Variants in BCL2L11 observed in about 807,000 individuals in gnomAD.
The protein encoded by BCL2L11 is bcl-2-like protein 11.
A neutral mutation model predicts 20.6 loss-of-function variants in BCL2L11; 15 were observed. That is an observed-to-expected ratio of 0.73 (90% CI 0.49 to 1.12). The LOEUF is 1.12. Among genes scored for constraint, BCL2L11 ranks in the 50% most tolerant of loss-of-function variants. The pLI is 0.00. For missense variants in BCL2L11, 292 were observed against 260.9 expected (o/e 1.12, Z -0.82); for synonymous variants, 108 against 92.8 (o/e 1.16, Z -0.94).
At position 111,141,541 on chromosome 2, in the gene BCL2L11, C is replaced by T. The variant is rs552025823; in HGVS notation, c.395-8503C>T. On this transcript the variant is annotated intron_variant, in intron 2 of 3. Coordinates refer to ENST00000393256, the MANE Select transcript of BCL2L11 (RefSeq NM_138621.5). Reference sequence around the variant, plus strand: ...GGGTGGGGGGAGGGGGGAGGGAGAGCATTGGGAGATATACCTAATGCTAGA... The same window carrying T: ...GGGTGGGGGGAGGGGGGAGGGAGAGTATTGGGAGATATACCTAATGCTAGA... Among the ~76,000 whole-genome samples, 7 of 147,748 alleles carry T rather than the reference C, an allele frequency of 4.7e-5. No homozygotes were observed. The South Asian group carries it at 1.6e-3, about 33-fold the overall frequency.
At chr2:111,124,899 A>G (rs1314954921) in intron 2 of BCL2L11, among the ~76,000 whole-genome samples, 1 of 152,230 alleles carries the variant, frequency 6.6e-6, no homozygotes, top group African/African-American at 2.4e-5. Context: ...CTTTGTGCTT[A>G]TTGCTCAGAG....
intron 3 of BCL2L11, among the ~76,000 whole-genome samples, chr2:111,158,024 T>C (rs1304122310): frequency 6.6e-6 from 1 of 152,224 alleles, no homozygotes; most frequent in Non-Finnish European, 1.5e-5. Context: ...AAAGTGGATT[T>C]GGTGTTGGGC....
rs1053657632 is a variant in BCL2L11, at chr2:111,121,130, T to C, written c.-72T>C. On this transcript the variant is annotated 5_prime_UTR_variant, in exon 1 of 4. Transcript: ENST00000393256. ...TCCCGCCGCCACCGCCTCGGCGCCCTTTCTTGGCCCTTGTTCCCCCAAATG... is the reference window on the plus strand; with the variant it reads ...TCCCGCCGCCACCGCCTCGGCGCCCCTTCTTGGCCCTTGTTCCCCCAAATG... 2 of 272,322 alleles carry C rather than the reference T, an allele frequency of 7.3e-6. No individual in the cohort carries two copies. The highest frequency in any genetic ancestry group is 1.4e-5 in the Non-Finnish European group (2 of 145,018). 16.9% of individuals were successfully genotyped at this position (272,322 alleles called of 1,614,324 possible).
At position 111,137,468 on chromosome 2, in the gene BCL2L11, G is replaced by T. The variant is rs542953599; in HGVS notation, c.395-12576G>T. Among the ~76,000 whole-genome samples the T allele has an allele frequency of 2.5e-4, 38 of 152,246 alleles. No individual in the cohort carries two copies. The South Asian group carries it at 6.8e-3, about 27-fold the overall frequency. On this transcript the variant is annotated intron_variant, in intron 2 of 3. Coordinates refer to ENST00000393256, the MANE Select transcript of BCL2L11 (RefSeq NM_138621.5). The stretch of plus-strand genomic sequence containing the variant: ...TGCTCGGTCAATGGCTGAGACTTGT[G>T]CTGGGGCATCTGACCTCAGACTGCT...
intron 3 of BCL2L11, among the ~76,000 whole-genome samples, chr2:111,159,893 G>A (rs948779349): frequency 1.3e-5 from 2 of 152,190 alleles, no homozygotes; most frequent in Non-Finnish European, 2.9e-5. Flanking sequence ...ATTCCCTGTT[G>A]AATGCTCGAC....
intron 2 of BCL2L11, among the ~76,000 whole-genome samples, chr2:111,129,741 C>T (rs193055496): frequency 2.0e-5 from 3 of 152,352 alleles, no homozygotes; most frequent in Admixed American, 6.5e-5. Flanking sequence ...ACAAGGATTT[C>T]TCATGGTACC....
intron 1 of BCL2L11, among the ~76,000 whole-genome samples, chr2:111,122,154 G>A (rs2071161632): frequency 6.6e-6 from 1 of 152,214 alleles, no homozygotes; most frequent in South Asian, 2.1e-4. Context: ...GAGAGAGGAA[G>A]TTGTTGGAGG....
intron 2 of BCL2L11, among the ~76,000 whole-genome samples, chr2:111,126,654 A>T (rs1276589928): frequency 6.6e-6 from 1 of 152,156 alleles, no homozygotes; most frequent in African/African-American, 2.4e-5. Context: ...ATGCCTGAAG[A>T]CCACTGAAAT....
In BCL2L11 at chr2:111,151,953, C is replaced by A. The variant is rs992495173; in HGVS notation, c.498+1806C>A. ...TTGTCACTGAAGTAACCATTCCCTC[C>A]AGTTCCTCTGCCTTGGTTTACCTAA... On this transcript the variant is annotated intron_variant, in intron 3 of 3. Transcript: ENST00000393256. 5 of 1,380,780 alleles carry A rather than the reference C, an allele frequency of 3.6e-6. No homozygotes were observed. The African/African-American group carries it at 5.8e-5, about 16-fold the overall frequency. 85.5% of individuals were successfully genotyped at this position (1,380,780 alleles called of 1,614,324 possible). A position where few individuals can be genotyped will look rare whatever the true frequency, so the allele number is the denominator to read the frequency against.
chr2:111,162,628 G>C (rs1002652479), intron 3 of BCL2L11: 4 of 152,182 alleles, frequency 2.6e-5, no homozygotes, highest in Admixed American at 1.3e-4. Context: ...CCTTCACGTT[G>C]ACCCAGCCCC....
chr2:111,154,696 A>C (rs771267131), intron 3 of BCL2L11, among the ~76,000 whole-genome samples: 2 of 152,222 alleles, frequency 1.3e-5, no homozygotes. Context: ...TCTTGGATCA[A>C]AGATCTTCCA....
At chr2:111,133,476 T>C (rs1458110280) in intron 2 of BCL2L11, among the ~76,000 whole-genome samples, 3 of 152,254 alleles carry the variant, frequency 2.0e-5, no homozygotes, top group Non-Finnish European at 2.9e-5. Flanking sequence ...CTTTGAGACC[T>C]CCTCTTTGAC....
intron 3 of BCL2L11, among the ~76,000 whole-genome samples, chr2:111,158,211 C>G (rs2078116599): frequency 6.6e-6 from 1 of 152,202 alleles, no homozygotes; most frequent in Non-Finnish European, 1.5e-5. Context: ...TTCTCTCTGA[C>G]TTCTGTGTCA....
intron 2 of BCL2L11, chr2:111,130,035 A>G (rs2073582403): frequency 1.2e-5 from 4 of 342,666 alleles, no homozygotes; most frequent in South Asian, 6.5e-5. Flanking sequence ...CTGTGTTTGC[A>G]TGTTCTGGCA....
intron 1 of BCL2L11, chr2:111,122,763 T>C: frequency 4.1e-6 from 4 of 985,254 alleles, no homozygotes; most frequent in Non-Finnish European, 4.8e-6. Flanking sequence ...GCGCGGGCTT[T>C]GCGCTGCGCC....
Position 111,123,740 on chromosome 2 carries a change from G to T in BCL2L11, c.-6G>T. On this transcript the variant is annotated 5_prime_UTR_variant, in exon 2 of 4. Coordinates refer to ENST00000393256, the MANE Select transcript of BCL2L11 (RefSeq NM_138621.5). ...TTTTTATTTTACTTGCAGAAAAAAA[G>T]ACCAAATGGCAAAGCAACCTTCTGA... 2 of 1,379,252 alleles carry T rather than the reference G, an allele frequency of 1.5e-6. No homozygotes were observed. The highest frequency in any genetic ancestry group is 1.9e-6 in the Non-Finnish European group (2 of 1,059,332). 85.4% of individuals were successfully genotyped at this position (1,379,252 alleles called of 1,614,324 possible). A position where few individuals can be genotyped will look rare whatever the true frequency, so the allele number is the denominator to read the frequency against.
intron 2 of BCL2L11, among the ~76,000 whole-genome samples, chr2:111,140,061 G>A (rs561520414): frequency 6.6e-6 from 1 of 152,354 alleles, no homozygotes; most frequent in South Asian, 2.1e-4. Flanking sequence ...AAACCTTGCA[G>A]TGGGGACTTG....
chr2:111,123,944 C>A lies in BCL2L11; in HGVS notation c.199C>A (p.Pro67Thr), dbSNP rs769306974. 2 of 1,614,212 alleles carry A rather than the reference C, an allele frequency of 1.2e-6. No homozygotes were observed. The highest frequency in any genetic ancestry group is 1.7e-6 in the Non-Finnish European group (2 of 1,180,006). ...CAGCCCTCAGGGCCCGCTGGCCCCA[C>A]CTGCCAGCCCTGGCCCTTTTGCTAC... ...HGSPQGPLAP[P>T]ASPGPFATRS... The change falls in exon 2 of 4, where the codon CCT becomes ACT. Residue 67 changes from proline to threonine, a missense_variant. Pro to Thr is a conservative substitution (Grantham distance 38). Coordinates refer to ENST00000393256, the MANE Select transcript of BCL2L11 (RefSeq NM_138621.5).
chr2:111,134,516 T>G (rs2074511540), intron 2 of BCL2L11, among the ~76,000 whole-genome samples: 1 of 152,238 alleles, frequency 6.6e-6, no homozygotes, highest in Admixed American at 6.5e-5. Context: ...CATTGAGCAC[T>G]GAATGAGTTG....
Sources: gnomAD v4.1 joint callset for allele counts (sites outside exome capture counted in the v4.1 genomes callset) on GRCh38, gnomAD v4.1.1 for gene constraint, MANE v1.5 for transcripts, NCBI Gene and HGNC (gene_info 2026-07-23, HGNC 2026-07-21) for gene names.